PDE4D: variants seen among roughly 807,000 people sequenced by gnomAD.
The protein encoded by PDE4D is 3',5'-cyclic-AMP phosphodiesterase 4D.
In PDE4D, 24 loss-of-function variants were observed where a neutral mutation model predicts 87.4. That is an observed-to-expected ratio of 0.27 (90% confidence interval 0.20 to 0.39). PDE4D has a LOEUF of 0.39. Among genes scored for constraint, PDE4D ranks in the 10% least tolerant of loss-of-function variants. The pLI is 1.00. For missense variants in PDE4D, 714 were observed against 1,041.0 expected, an observed-to-expected ratio of 0.69 and a Z score of 4.32; for synonymous variants, 384 against 383.2, an observed-to-expected ratio of 1.00 and a Z score of -0.02.
intron 2 of PDE4D, among the ~76,000 whole-genome samples, chr5:60,059,447 A>T (rs1771155175): frequency 6.6e-6 from 1 of 152,076 alleles, no homozygotes; most frequent in Non-Finnish European, 1.5e-5. Flanking sequence ...AGAAAAGTAC[A>T]AAACCCTAAT....
At chr5:59,737,811 T>C (rs767258770) in intron 1 of PDE4D, among the ~76,000 whole-genome samples, 2 of 152,132 alleles carry the variant, frequency 1.3e-5, no homozygotes, top group South Asian at 2.1e-4. Flanking sequence ...TGTGCATATA[T>C]GAATCCATAT....
At position 59,587,608 on chromosome 5, in the gene PDE4D, G is replaced by C. The variant is rs962867593; in HGVS notation, c.455+305560C>G. 4.1e-6 allele frequency: 4 copies of C among 985,272 alleles called. No individual in the cohort carries two copies. In the African/African-American group the frequency reaches 7.0e-5, roughly 17 times the overall value. The allele number at this position is 985,272 out of a possible 1,614,324, so 61.0% of individuals were successfully genotyped here. On this transcript the variant is annotated intron_variant, in intron 1 of 14. Transcript: ENST00000340635. ...GCTCAGGACACTTGCAGGCTCCGTG[G>C]TACTGTACATTAACTCTGCAGCAGC...
At chr5:60,277,147 C>T (rs951855290) in intron 1 of PDE4D, among the ~76,000 whole-genome samples, 2 of 151,720 alleles carry the variant, frequency 1.3e-5, no homozygotes, top group African/African-American at 2.4e-5. Flanking sequence ...ATGATTACTA[C>T]AGTCAAACAA....
At chr5:59,385,545 T>C (rs1190137342) in intron 1 of PDE4D, among the ~76,000 whole-genome samples, 1 of 152,156 alleles carries the variant, frequency 6.6e-6, no homozygotes, top group African/African-American at 2.4e-5. Flanking sequence ...GGTTTCAGCA[T>C]TCATGATGCT....
At chr5:59,144,241 T>C (rs1778304733) in intron 5 of PDE4D, among the ~76,000 whole-genome samples, 1 of 152,216 alleles carries the variant, frequency 6.6e-6, no homozygotes, top group African/African-American at 2.4e-5. Flanking sequence ...AGTTCTGACC[T>C]CTGACCAACC....
At chr5:60,112,035 T>TA (rs1023913921) in intron 2 of PDE4D, among the ~76,000 whole-genome samples, 11 of 151,834 alleles carry the variant, frequency 7.2e-5, no homozygotes, top group Non-Finnish European at 1.5e-4. Context: ...ATATGGCTTT[T>TA]AAAAAAAACC....
chr5:59,358,426 A>T, intron 1 of PDE4D, among the ~76,000 whole-genome samples: 1 of 152,222 alleles, frequency 6.6e-6, no homozygotes, highest in East Asian at 1.9e-4. Flanking sequence ...TGAGCAAAAC[A>T]GGTAGCCACT....
intron 6 of PDE4D, among the ~76,000 whole-genome samples, chr5:59,036,534 G>A (rs1044102817): frequency 1.3e-5 from 2 of 152,180 alleles, no homozygotes; most frequent in African/African-American, 2.4e-5. Flanking sequence ...GGGGCCTTCC[G>A]ATCAGCTGCT....
At chr5:59,495,246 A>G (rs898581855) in intron 1 of PDE4D, among the ~76,000 whole-genome samples, 1 of 152,074 alleles carries the variant, frequency 6.6e-6, no homozygotes, top group Non-Finnish European at 1.5e-5. Context: ...TAGTCTCCCC[A>G]CTTGCATGCT....
At position 60,343,968 on chromosome 5, in the gene PDE4D, C is replaced by CT. The variant is rs11326205; in HGVS notation, c.-90+143973dup. ...GGTTCAAATACTTAAGATGACTCAT[C>CT]TTTTTTTTTTTTTTGGACCATTATC... On this transcript the variant is annotated intron_variant, in intron 1 of 16. Transcript: ENST00000502484. Among the ~76,000 whole-genome samples, 331 of 141,634 alleles carry CT rather than the reference C, an allele frequency of 2.3e-3. 2 individuals are homozygous for CT. Among genetic ancestry groups the CT allele is most frequent in the South Asian group, 0.018 (78 of 4,456 alleles). The allele number at this position is 141,634 out of a possible 152,430, so 92.9% of individuals were successfully genotyped here.
At chr5:59,727,274 T>C (rs1001838636) in intron 1 of PDE4D, among the ~76,000 whole-genome samples, 5 of 152,088 alleles carry the variant, frequency 3.3e-5, no homozygotes, top group African/African-American at 1.2e-4. Context: ...AAATACAACA[T>C]AATTTTTGAG....
chr5:59,278,815 A>T (rs1404498690), intron 1 of PDE4D, among the ~76,000 whole-genome samples: 1 of 152,112 alleles, frequency 6.6e-6, no homozygotes, highest in African/African-American at 2.4e-5. Context: ...GTCTCATACC[A>T]CTAATGGTGC....
chr5:60,179,017 C>T (rs938373287), intron 2 of PDE4D, among the ~76,000 whole-genome samples: 2 of 152,104 alleles, frequency 1.3e-5, no homozygotes, highest in Admixed American at 6.6e-5. Flanking sequence ...CAGTCAAATC[C>T]TTCTCACGGA....
rs112360386 is a variant in PDE4D at position 60,393,163 on chromosome 5, C to T, written c.-90+94779G>A. Among the ~76,000 whole-genome samples, 835 of 152,258 alleles carry T rather than the reference C, an allele frequency of 5.5e-3. 12 individuals are homozygous for T. Among genetic ancestry groups the T allele is most frequent in the African/African-American group, 0.02 (811 of 41,544 alleles). On this transcript the variant is annotated intron_variant, in intron 1 of 16. Transcript: ENST00000502484. ...GTTCAAATAAATCAAATGCTTATACCAATTCCACAACCTGCTTTTGTGAGC... is the reference window on the plus strand; with the variant it reads ...GTTCAAATAAATCAAATGCTTATACTAATTCCACAACCTGCTTTTGTGAGC...
chr5:60,085,441 A>C (rs980195841), intron 2 of PDE4D, among the ~76,000 whole-genome samples: 10 of 152,130 alleles, frequency 6.6e-5, no homozygotes, highest in Non-Finnish European at 1.5e-4. Context: ...TTATTTTCTC[A>C]TTCTCTATTA....
At chr5:59,480,914 A>G (rs1245428037) in intron 1 of PDE4D, among the ~76,000 whole-genome samples, 1 of 152,158 alleles carries the variant, frequency 6.6e-6, no homozygotes, top group African/African-American at 2.4e-5. Flanking sequence ...GTCAAGGCCA[A>G]TCGGCTTTAG....
At chr5:59,170,013 G>C (rs1782507025) in intron 5 of PDE4D, among the ~76,000 whole-genome samples, 1 of 152,108 alleles carries the variant, frequency 6.6e-6, no homozygotes, top group Non-Finnish European at 1.5e-5. Flanking sequence ...TGGTGACACT[G>C]AGATCTTTTA....
intron 1 of PDE4D, among the ~76,000 whole-genome samples, chr5:60,266,486 C>T (rs1464450305): frequency 6.6e-6 from 1 of 152,172 alleles, no homozygotes; most frequent in Non-Finnish European, 1.5e-5. Flanking sequence ...TCTTTCTTGG[C>T]ATCCTATTAC....
intron 1 of PDE4D, among the ~76,000 whole-genome samples, chr5:59,331,303 G>T (rs1018596677): frequency 6.6e-6 from 1 of 152,190 alleles, no homozygotes. Context: ...CAAGATGTCA[G>T]TGGGGTTGGT....
Sources: gnomAD v4.1 joint callset for allele counts (sites outside exome capture counted in the v4.1 genomes callset) on GRCh38, gnomAD v4.1.1 for gene constraint, MANE v1.5 for transcripts, NCBI Gene and HGNC (gene_info 2026-07-23, HGNC 2026-07-21) for gene names.